NELL1: variants seen among roughly 807,000 people sequenced by gnomAD.
NELL1 encodes the protein protein kinase C-binding protein NELL1.
A neutral mutation model predicts 107.4 loss-of-function variants in NELL1; 76 were observed. The ratio of observed to expected loss-of-function variants is 0.71; its 90% CI spans 0.59 to 0.86. The LOEUF (loss-of-function observed/expected upper bound fraction) is 0.86. NELL1 is among the 40% of genes least tolerant of loss of function. The pLI, the probability that NELL1 is intolerant of heterozygous loss-of-function variation, is 0.00. For synonymous variants in NELL1, 353 were observed against 341.2 expected, an observed-to-expected ratio of 1.03 and a Z score of -0.38; for missense variants, 1,024 against 1,005.5, an observed-to-expected ratio of 1.02 and a Z score of -0.25.
At chr11:21,258,274 A>G (rs1252729724) in intron 14 of NELL1, among the ~76,000 whole-genome samples, 2 of 152,028 alleles carry the variant, frequency 1.3e-5, no homozygotes, top group East Asian at 1.9e-4. Flanking sequence ...ATAACATCCT[A>G]TGGATGGTGT....
In NELL1 at chr11:21,174,516, G is replaced by A. The variant is rs78277025; in HGVS notation, c.1427-54816G>A. On this transcript the variant is annotated intron_variant, in intron 13 of 19. Transcript: ENST00000357134. Reference sequence around the variant, plus strand: ...TTTCATTTCAAATGATAAGGTAGTTGGTTAAATATATCCTCTATCTTGAAC... The same window carrying A: ...TTTCATTTCAAATGATAAGGTAGTTAGTTAAATATATCCTCTATCTTGAAC... Among the ~76,000 whole-genome samples, 1,341 of 151,740 alleles carry A rather than the reference G, an allele frequency of 8.8e-3. 55 individuals carry two copies. The highest frequency in any genetic ancestry group is 0.031 in the African/African-American group (1,277 of 41,152).
chr11:21,106,075 A>G (rs1854960830), intron 12 of NELL1, among the ~76,000 whole-genome samples: 1 of 150,982 alleles, frequency 6.6e-6, no homozygotes. Context: ...AATCTGATAG[A>G]TAGCTATGTT....
chr11:20,864,957 C>T (rs963483084), intron 4 of NELL1, among the ~76,000 whole-genome samples: 1 of 152,226 alleles, frequency 6.6e-6, no homozygotes, highest in Non-Finnish European at 1.5e-5. Context: ...TTCCTGACCT[C>T]AGGGGAGATT....
At chr11:21,143,193 G>T (rs1855905536) in intron 13 of NELL1, among the ~76,000 whole-genome samples, 1 of 152,168 alleles carries the variant, frequency 6.6e-6, no homozygotes, top group African/African-American at 2.4e-5. Flanking sequence ...AGACTACTTT[G>T]CTGTAACTCA....
intron 7 of NELL1, chr11:20,927,059 C>T (rs575631076): frequency 4.9e-6 from 2 of 412,110 alleles, no homozygotes; most frequent in East Asian, 9.5e-5. Flanking sequence ...CATGAGGTTC[C>T]TGAGTTACAG....
At chr11:20,965,073 C>G (rs1329360404) in intron 12 of NELL1, among the ~76,000 whole-genome samples, 8 of 152,082 alleles carry the variant, frequency 5.3e-5, no homozygotes, top group Non-Finnish European at 1.5e-5. Context: ...CAGAAGGATA[C>G]CAAAATTCAG....
At chr11:20,761,854 GGT>G (rs1330015994) in intron 2 of NELL1, among the ~76,000 whole-genome samples, 1 of 152,194 alleles carries the variant, frequency 6.6e-6, no homozygotes, top group Non-Finnish European at 1.5e-5. Flanking sequence ...AAATGTTGAT[GGT>G]TTTGCAGAGC....
At chr11:21,321,356 T>G (rs1850005188) in intron 14 of NELL1, among the ~76,000 whole-genome samples, 1 of 151,882 alleles carries the variant, frequency 6.6e-6, no homozygotes, top group South Asian at 2.1e-4. Context: ...TCTGATTAAC[T>G]CTGAGATCCC....
chr11:21,133,479 T>C (rs983414307), intron 13 of NELL1, among the ~76,000 whole-genome samples: 3 of 152,070 alleles, frequency 2.0e-5, no homozygotes, highest in African/African-American at 7.2e-5. Context: ...ACCCAGGCTG[T>C]TCCTGCTGAG....
chr11:21,262,126 T>G (rs1364859354), intron 14 of NELL1, among the ~76,000 whole-genome samples: 3 of 151,888 alleles, frequency 2.0e-5, no homozygotes, highest in Non-Finnish European at 4.4e-5. Flanking sequence ...TATTATTTAG[T>G]TTACTATGGT....
At chr11:20,691,789 C>A (rs1456451039) in intron 2 of NELL1, among the ~76,000 whole-genome samples, 1 of 152,048 alleles carries the variant, frequency 6.6e-6, no homozygotes, top group African/African-American at 2.4e-5. Flanking sequence ...CAGGATGATG[C>A]TGGCCTCATA....
chr11:20,892,667 A>G (rs989348899), intron 5 of NELL1, among the ~76,000 whole-genome samples: 2 of 152,206 alleles, frequency 1.3e-5, no homozygotes, highest in African/African-American at 4.8e-5. Context: ...ACGGTGGCTC[A>G]CACCTGTAAT....
At chr11:21,467,050 C>G (rs375610989) in intron 15 of NELL1, among the ~76,000 whole-genome samples, 2 of 151,938 alleles carry the variant, frequency 1.3e-5, no homozygotes, top group East Asian at 1.9e-4. Flanking sequence ...CATGCAACAA[C>G]TGGGATAATT....
intron 15 of NELL1, among the ~76,000 whole-genome samples, chr11:21,429,360 A>G (rs1852911846): frequency 6.6e-6 from 1 of 152,206 alleles, no homozygotes; most frequent in Non-Finnish European, 1.5e-5. Flanking sequence ...ACTGATTTTC[A>G]ATCAATCAAG....
chr11:21,356,706 T>A (rs538579975), intron 14 of NELL1, among the ~76,000 whole-genome samples: 1 of 152,332 alleles, frequency 6.6e-6, no homozygotes, highest in Non-Finnish European at 1.5e-5. Flanking sequence ...TTTGGTTACA[T>A]GGATACGATC....
At chr11:21,055,104 A>G (rs1853582320) in intron 12 of NELL1, among the ~76,000 whole-genome samples, 1 of 152,026 alleles carries the variant, frequency 6.6e-6, no homozygotes, top group East Asian at 1.9e-4. Context: ...AGTTGATCAA[A>G]TGTACCAGAA....
At chr11:21,215,191 T>C (rs1857587543) in intron 13 of NELL1, among the ~76,000 whole-genome samples, 1 of 152,082 alleles carries the variant, frequency 6.6e-6, no homozygotes, top group African/African-American at 2.4e-5. Flanking sequence ...GATCTGATGG[T>C]TTTATAAAGG....
At chr11:20,917,529 A>G (rs1204466749) in intron 5 of NELL1, among the ~76,000 whole-genome samples, 1 of 152,002 alleles carries the variant, frequency 6.6e-6, no homozygotes, top group Non-Finnish European at 1.5e-5. Context: ...CAAATCAGAA[A>G]AAACCCTAAC....
intron 13 of NELL1, among the ~76,000 whole-genome samples, chr11:21,216,528 G>A (rs1857617423): frequency 6.6e-6 from 1 of 152,186 alleles, no homozygotes; most frequent in African/African-American, 2.4e-5. Context: ...AAAGCCACAG[G>A]GCTGGAGCTG....
Sources: gnomAD v4.1 joint callset for allele counts (sites outside exome capture counted in the v4.1 genomes callset) on GRCh38, gnomAD v4.1.1 for gene constraint, MANE v1.5 for transcripts, NCBI Gene and HGNC (gene_info 2026-07-23, HGNC 2026-07-21) for gene names.